Variants in EIF4EBP3 observed in about 807,000 individuals in gnomAD.
EIF4EBP3 encodes eukaryotic translation initiation factor 4E-binding protein 3.
A neutral mutation model predicts 12.1 loss-of-function variants in EIF4EBP3; 11 were observed. That is an observed-to-expected ratio of 0.91 (90% confidence interval 0.57 to 1.51). EIF4EBP3 has a LOEUF of 1.51. Ranked by LOEUF, EIF4EBP3 falls within the 40% of genes most tolerant of loss-of-function variation. The pLI, the probability that EIF4EBP3 is intolerant of heterozygous loss-of-function variation, is 0.00. For missense variants in EIF4EBP3, 136 were observed against 131.8 expected, an observed-to-expected ratio of 1.03 and a Z score of -0.16; for synonymous variants, 43 against 54.2, an observed-to-expected ratio of 0.79 and a Z score of 0.91.
chr5:140,548,326 G>A (rs1205134926), intron 1 of EIF4EBP3, among the ~76,000 whole-genome samples: 1 of 152,228 alleles, frequency 6.6e-6, no homozygotes, highest in African/African-American at 2.4e-5. Flanking sequence ...CGGAAGCGGA[G>A]GGGAGGAACA....
At position 140,547,748 on chromosome 5, in the gene EIF4EBP3, C is replaced by G. The variant is rs1477260852; in HGVS notation, c.11C>G (p.Ser4Cys). 8 of 1,545,866 alleles carry G rather than the reference C, an allele frequency of 5.2e-6. No individual in the cohort carries two copies. The highest frequency in any genetic ancestry group is 6.1e-6 in the Non-Finnish European group (7 of 1,144,320). MST[S>C]TSCPIPGGRD... Reference sequence around the variant, plus strand: ...CTCCTCCCGCTCGCTATGTCAACGTCCACTAGCTGCCCGATTCCCGGGGGC... The same window carrying G: ...CTCCTCCCGCTCGCTATGTCAACGTGCACTAGCTGCCCGATTCCCGGGGGC... Residue 4 changes from serine to cysteine, a missense_variant, in exon 1 of 3, where the codon TCC (serine) becomes TGC (cysteine). By Grantham distance (112) the Ser-to-Cys change is moderately radical. Coordinates refer to ENST00000310331, the MANE Select transcript of EIF4EBP3 (RefSeq NM_003732.3).
chr5:140,547,946 C>A, intron 1 of EIF4EBP3, 106 bp downstream of exon 1: 2 of 911,786 alleles, frequency 2.2e-6, no homozygotes, highest in Non-Finnish European at 3.1e-6. Context: ...GTCCGCAGGC[C>A]CCTCTACAGG....
At chr5:140,548,875 G>C in intron 1 of EIF4EBP3, 31 bp from the exon 2 acceptor site, 1 of 1,594,678 alleles carries the variant, frequency 6.3e-7, no homozygotes, top group African/African-American at 1.3e-5. Flanking sequence ...CCAAGCTCCT[G>C]ACTCTTACCT....
chr5:140,548,206 C>T (rs1208849283), intron 1 of EIF4EBP3, among the ~76,000 whole-genome samples: 1 of 152,194 alleles, frequency 6.6e-6, no homozygotes, highest in Non-Finnish European at 1.5e-5. Context: ...GTAGTTAGAA[C>T]AGTTGGGGCA....
At chr5:140,547,867 G>A (rs1020335138) in intron 1 of EIF4EBP3, 27 bp downstream of exon 1, 29 of 1,415,762 alleles carry the variant, frequency 2.0e-5, no homozygotes, top group Non-Finnish European at 2.7e-5. Context: ...GGGGTCCGCA[G>A]GCTGCGGACA....
chr5:140,548,929 A>G lies in EIF4EBP3; in HGVS notation c.127A>G (p.Lys43Glu). The change falls in exon 2 of 3, where the codon AAG (lysine) becomes GAG (glutamate). Residue 43 changes from lysine (K) to glutamate (E), a missense_variant. By Grantham distance (56) the Lys-to-Glu change is moderately conservative. Transcript: ENST00000310331. ...AGGCACCAGGATCATCTACGACCGA[A>G]AGTTCCTGCTGGAGTGCAAGAACTC... ...PGGTRIIYDRKFLLECKNSPI... is the reference protein window; with the variant it reads ...PGGTRIIYDREFLLECKNSPI... 1 of 1,613,916 alleles carries G rather than the reference A, an allele frequency of 6.2e-7. No individual in the cohort carries two copies. The highest frequency in any genetic ancestry group is 8.5e-7 in the Non-Finnish European group (1 of 1,179,940).
rs1439241109 is a variant in EIF4EBP3, at chr5:140,547,825, G to A, written c.88G>A (p.Ala30Thr). The A allele has an allele frequency of 1.3e-6, 2 of 1,486,778 alleles. No homozygotes were observed. Among genetic ancestry groups the A allele is most frequent in the South Asian group, 2.6e-5 (2 of 77,014 alleles). 92.1% of individuals were successfully genotyped at this position (1,486,778 alleles called of 1,614,324 possible). A position where few individuals can be genotyped will look rare whatever the true frequency, so the allele number is the denominator to read the frequency against. Reference protein sequence around the residue: ...YSTTPGGTLYATTPGGTRIIY... With the variant: ...YSTTPGGTLYTTTPGGTRIIY... ...CACCACGCCGGGGGGCACGCTATAC[G>A]CCACTACCCCCGGAGGTCAGCGGGC... The change falls in exon 1 of 3, where the codon GCC (alanine) becomes ACC (threonine). Residue 30 changes from alanine (A) to threonine (T), a missense_variant. Physicochemically the swap from Ala to Thr is moderately conservative, Grantham distance 58. Coordinates refer to ENST00000310331, the MANE Select transcript of EIF4EBP3 (RefSeq NM_003732.3).
At chr5:140,548,557 G>A (rs1425869866) in intron 1 of EIF4EBP3, among the ~76,000 whole-genome samples, 1 of 152,124 alleles carries the variant, frequency 6.6e-6, no homozygotes, top group African/African-American at 2.4e-5. Context: ...TGAGACCAAA[G>A]CAGAGGTTTC....
chr5:140,549,328 T>A lies in EIF4EBP3; in HGVS notation c.*66T>A. 6.2e-7 allele frequency: 1 copy of A among 1,613,436 alleles called. No homozygotes were observed. Among genetic ancestry groups the A allele is most frequent in the South Asian group, 1.1e-5 (1 of 91,046 alleles). ...CCCTCATGCCACTGCTGCCACCACCTCTTCCTGGGGCATCCAAAGGCCAGC... is the reference window on the plus strand; with the variant it reads ...CCCTCATGCCACTGCTGCCACCACCACTTCCTGGGGCATCCAAAGGCCAGC... On this transcript the variant is annotated 3_prime_UTR_variant, in exon 3 of 3. Transcript: ENST00000310331.
rs912067020 is a variant in EIF4EBP3 at position 140,549,484 on chromosome 5, A to G, written c.*222A>G. The G allele has an allele frequency of 1.2e-5, 8 of 660,728 alleles. No homozygotes were observed. Among genetic ancestry groups the G allele is most frequent in the Non-Finnish European group, 2.1e-5 (8 of 384,406 alleles). The allele number at this position is 660,728 out of a possible 1,614,324, so 40.9% of individuals were successfully genotyped here. A position where few individuals can be genotyped will look rare whatever the true frequency, so the allele number is the denominator to read the frequency against. On this transcript the variant is annotated 3_prime_UTR_variant, in exon 3 of 3. Transcript: ENST00000310331. ...CTCTACTTCCTCTTCAGTCTGTGGTACTCCTCCTAACCCTAAACCCTCTAT... is the reference window on the plus strand; with the variant it reads ...CTCTACTTCCTCTTCAGTCTGTGGTGCTCCTCCTAACCCTAAACCCTCTAT...
In EIF4EBP3 at chr5:140,549,014, C is replaced by G; in HGVS notation, c.212C>G (p.Pro71Arg). Residue 71 changes from proline to arginine, a missense_variant, in exon 2 of 3, where the codon CCA becomes CGA. Physicochemically the swap from Pro to Arg is moderately radical, Grantham distance 103 (BLOSUM62 -2). Coordinates refer to ENST00000310331, the MANE Select transcript of EIF4EBP3 (RefSeq NM_003732.3). Reference protein sequence around the residue: ...LPQIPGVTTPPTAPLSKLEEL... With the variant: ...LPQIPGVTTPRTAPLSKLEEL... ...CAGATTCCCGGGGTCACAACTCCTC[C>G]AACAGCCCCTCTCTCCAAGCTGGAG... 6.2e-7 allele frequency: 1 copy of G among 1,614,184 alleles called. No homozygotes were observed. Among genetic ancestry groups the G allele is most frequent in the East Asian group, 2.2e-5 (1 of 44,878 alleles).
intron 1 of EIF4EBP3, among the ~76,000 whole-genome samples, chr5:140,548,145 C>A (rs1203064966): frequency 6.6e-6 from 1 of 152,218 alleles, no homozygotes; most frequent in Non-Finnish European, 1.5e-5. Context: ...GGGGCCAGGG[C>A]CCCCTACTGA....
chr5:140,548,767 TTC>T (rs1754448849), intron 1 of EIF4EBP3, 137 bp from the exon 2 acceptor site: 1 of 1,240,128 alleles, frequency 8.1e-7, no homozygotes. Flanking sequence ...CTAGCTGGGC[TTC>T]AGAGCCGATG....
In EIF4EBP3 at chr5:140,547,801, A is replaced by C. The variant is rs1316451644; in HGVS notation, c.64A>C (p.Thr22Pro). The C allele has an allele frequency of 2.0e-5, 31 of 1,530,798 alleles. No individual in the cohort carries two copies. Among genetic ancestry groups the C allele is most frequent in the Non-Finnish European group, 2.6e-5 (30 of 1,136,676 alleles). 94.8% of individuals were successfully genotyped at this position (1,530,798 alleles called of 1,614,324 possible). Residue 22 changes from threonine (T) to proline (P), a missense_variant, in exon 1 of 3, where the codon ACC (threonine) becomes CCC (proline). Coordinates refer to ENST00000310331, the MANE Select transcript of EIF4EBP3 (RefSeq NM_003732.3). ...GRDQLPDCYS[T>P]TPGGTLYATT... ...GGACCAGCTGCCCGACTGCTACAGC[A>C]CCACGCCGGGGGGCACGCTATACGC... is the stretch of plus-strand genomic sequence containing the variant.
At position 140,547,699 on chromosome 5, in the gene EIF4EBP3, C is replaced by G; in HGVS notation, c.-39C>G. The stretch of plus-strand genomic sequence containing the variant: ...GACTCAGAGCTGCGCTCCTCGACCT[C>G]AACGCCAGGCGGTTACTTTGCTGCT... On this transcript the variant is annotated 5_prime_UTR_variant, in exon 1 of 3. Coordinates refer to ENST00000310331, the MANE Select transcript of EIF4EBP3 (RefSeq NM_003732.3). The G allele has an allele frequency of 6.5e-7, 1 of 1,531,396 alleles. No individual in the cohort carries two copies. Among genetic ancestry groups the G allele is most frequent in the South Asian group, 1.2e-5 (1 of 83,444 alleles). The allele number at this position is 1,531,396 out of a possible 1,614,324, so 94.9% of individuals were successfully genotyped here. A position where few individuals can be genotyped will look rare whatever the true frequency, so the allele number is the denominator to read the frequency against.
chr5:140,548,144 G>T (rs1345001615), intron 1 of EIF4EBP3, among the ~76,000 whole-genome samples: 3 of 152,232 alleles, frequency 2.0e-5, no homozygotes, highest in Non-Finnish European at 4.4e-5. Flanking sequence ...AGGGGCCAGG[G>T]CCCCCTACTG....
In EIF4EBP3 at chr5:140,549,145, G is replaced by A. The variant is rs2127113502; in HGVS notation, c.274+69G>A. 4 of 1,614,178 alleles carry A rather than the reference G, an allele frequency of 2.5e-6. No individual in the cohort carries two copies. In the Middle Eastern group the frequency reaches 4.9e-4, roughly 200 times the overall value. Reference sequence around the variant, plus strand: ...AAATGCCACTGTGACACAGTGCGGGGGTTCAGTTCCAAGAGGGGTTTCTGC... The same window carrying A: ...AAATGCCACTGTGACACAGTGCGGGAGTTCAGTTCCAAGAGGGGTTTCTGC... On this transcript the variant is annotated intron_variant, in intron 2 of 2. Transcript: ENST00000310331.
chr5:140,548,826 C>T (rs1167060512), intron 1 of EIF4EBP3, 80 bp from the exon 2 acceptor site: 10 of 1,521,508 alleles, frequency 6.6e-6, no homozygotes, highest in Non-Finnish European at 2.6e-6. Context: ...CCTCCAGGCC[C>T]CAAAAGGCCT....
chr5:140,547,691 C>T lies in EIF4EBP3; in HGVS notation c.-47C>T, dbSNP rs1161939638. On this transcript the variant is annotated 5_prime_UTR_variant, in exon 1 of 3. Coordinates refer to ENST00000310331, the MANE Select transcript of EIF4EBP3 (RefSeq NM_003732.3). ...CCGCCTCAGACTCAGAGCTGCGCTC[C>T]TCGACCTCAACGCCAGGCGGTTACT... The T allele has an allele frequency of 6.6e-7, 1 of 1,512,738 alleles. No homozygotes were observed. Among genetic ancestry groups the T allele is most frequent in the Admixed American group, 2.0e-5 (1 of 50,218 alleles). The allele number at this position is 1,512,738 out of a possible 1,614,324, so 93.7% of individuals were successfully genotyped here.
Sources: allele counts gnomAD v4.1 joint callset (sites outside exome capture counted in the v4.1 genomes callset), GRCh38; gene constraint gnomAD v4.1.1; transcripts MANE v1.5; gene names NCBI Gene and HGNC (gene_info 2026-07-23, HGNC 2026-07-21).